The following PRDM11 variants were observed in gnomAD, a reference collection of about 807,000 sequenced individuals.
The protein encoded by PRDM11 is PR/SET domain 11.
In PRDM11, 20 loss-of-function variants were observed where a neutral mutation model predicts 97.8. The observed-to-expected ratio is 0.20, with a 90% confidence interval of 0.14 to 0.30. The LOEUF (loss-of-function observed/expected upper bound fraction) is 0.30, where lower values mean the gene tolerates loss of function less well. Among genes scored for constraint, PRDM11 ranks in the 10% least tolerant of loss-of-function variants. PRDM11 has a pLI of 1.00. For missense variants in PRDM11, 1,139 were observed against 1,555.2 expected (o/e 0.73, Z 4.50); for synonymous variants, 599 against 637.7 (o/e 0.94, Z 0.91).
intron 1 of PRDM11, among the ~76,000 whole-genome samples, chr11:45,154,119 C>T (rs981600178): frequency 6.6e-6 from 1 of 152,126 alleles, no homozygotes; most frequent in African/African-American, 2.4e-5. Flanking sequence ...CTTTGGGAGG[C>T]TGAGGTGGGA....
chr11:45,124,004 A>G (rs1188479940), intron 1 of PRDM11, among the ~76,000 whole-genome samples: 1 of 147,688 alleles, frequency 6.8e-6, no homozygotes, highest in Non-Finnish European at 1.5e-5. Context: ...ATTTGTTTGT[A>G]TCCTCTTTTA....
At chr11:45,097,403 C>T (rs1851900653) in intron 1 of PRDM11, among the ~76,000 whole-genome samples, 2 of 152,158 alleles carry the variant, frequency 1.3e-5, no homozygotes, top group East Asian at 1.9e-4. Flanking sequence ...TGTTACATGC[C>T]GGCAGAATTG....
At position 45,227,406 on chromosome 11, in the gene PRDM11, A is replaced by C; in HGVS notation, c.2781A>C (p.Gly927=). The C allele has an allele frequency of 6.5e-7, 1 of 1,533,856 alleles. No individual in the cohort carries two copies. Among genetic ancestry groups the C allele is most frequent in the Non-Finnish European group, 8.7e-7 (1 of 1,146,718 alleles). Residue 927 remains glycine (G), a synonymous_variant, in exon 8 of 8, where the codon GGA becomes GGC. Coordinates refer to ENST00000683152, the MANE Select transcript of PRDM11 (RefSeq NM_001384648.1). The surrounding 1 kb of genome is among the most constrained non-coding windows in gnomAD (Gnocchi z 8.0). ...TCAGCCGGCTGGCTGACTCCCCGGG[A>C]GAATACCTGCAGGAGTTCGAGGAGA... ...QEISRLADSP[G]EYLQEFEENF...
intron 1 of PRDM11, among the ~76,000 whole-genome samples, chr11:45,108,861 A>T (rs1236642004): frequency 6.6e-6 from 1 of 152,290 alleles, no homozygotes; most frequent in East Asian, 1.9e-4. Flanking sequence ...TGCCTGAAGC[A>T]GCTGACACAA....
chr11:45,110,445 T>G (rs1011596863), intron 1 of PRDM11, among the ~76,000 whole-genome samples: 1 of 152,186 alleles, frequency 6.6e-6, no homozygotes, highest in African/African-American at 2.4e-5. Context: ...GGTAGGAGTT[T>G]GAGGAATTTC....
intron 1 of PRDM11, among the ~76,000 whole-genome samples, chr11:45,166,750 C>T (rs1329916898): frequency 2.0e-5 from 3 of 152,218 alleles, no homozygotes; most frequent in Non-Finnish European, 4.4e-5. Context: ...CACATCCATG[C>T]CCCTTCCACC....
At position 45,167,401 on chromosome 11, in the gene PRDM11, AGTT is replaced by A. The variant is rs1852090436; in HGVS notation, c.-6-14359_-6-14357del. Among the ~76,000 whole-genome samples, 10 of 152,256 alleles carry A rather than the reference AGTT, an allele frequency of 6.6e-5. No homozygotes were observed. The South Asian group carries it at 2.1e-3, about 32-fold the overall frequency. On this transcript the variant is annotated intron_variant, in intron 1 of 7. Coordinates refer to ENST00000683152, the MANE Select transcript of PRDM11 (RefSeq NM_001384648.1). Reference sequence around the variant, plus strand: ...CCAAGAGTCAATGGATCAGCAAGACAGTTTATTATTCACAGCAAACATCAGGAT... The same window carrying A: ...CCAAGAGTCAATGGATCAGCAAGACATATTATTCACAGCAAACATCAGGAT...
At chr11:45,163,494 G>T (rs371160904) in intron 1 of PRDM11, among the ~76,000 whole-genome samples, 4 of 151,526 alleles carry the variant, frequency 2.6e-5, no homozygotes, top group African/African-American at 7.3e-5. Flanking sequence ...AGGATGGGGG[G>T]GGGTACCCGG....
intron 1 of PRDM11, among the ~76,000 whole-genome samples, chr11:45,135,028 C>A (rs1303404509): frequency 9.2e-5 from 14 of 151,908 alleles, no homozygotes; most frequent in Non-Finnish European, 4.4e-5. Flanking sequence ...CAGTTGTAGA[C>A]CCAGCTACTA....
At chr11:45,206,988 C>T (rs1490138003) in intron 5 of PRDM11, among the ~76,000 whole-genome samples, 1 of 152,226 alleles carries the variant, frequency 6.6e-6, no homozygotes, top group Non-Finnish European at 1.5e-5. Context: ...GTTTCTGCTA[C>T]TGCCACCTTG....
intron 1 of PRDM11, among the ~76,000 whole-genome samples, chr11:45,102,522 C>A (rs1851995450): frequency 1.3e-5 from 2 of 152,172 alleles, no homozygotes; most frequent in African/African-American, 4.8e-5. Context: ...TCCAGCCACT[C>A]CCAGGAAGGG....
At chr11:45,145,306 A>T (rs1440545010), upstream of PRDM11, among the ~76,000 whole-genome samples, 1 of 152,200 alleles carries the variant, frequency 6.6e-6, no homozygotes, top group Non-Finnish European at 1.5e-5. Context: ...GCCAGAGTCA[A>T]GGGAAACAAA....
chr11:45,194,592 G>GTTTTTTTT (rs869144098), intron 4 of PRDM11, among the ~76,000 whole-genome samples: 5 of 70,902 alleles, frequency 7.1e-5, no homozygotes, highest in African/African-American at 2.5e-4. Context: ...ATTATCTTCT[G>GTTTTTTTT]TTTTTTTTTT....
At chr11:45,106,437 C>T (rs1565223620) in intron 1 of PRDM11, among the ~76,000 whole-genome samples, 1 of 152,118 alleles carries the variant, frequency 6.6e-6, no homozygotes, top group Non-Finnish European at 1.5e-5. Flanking sequence ...GGTTCTCTCA[C>T]GAGCTAGATG....
At chr11:45,158,126 C>G (rs1395119190) in intron 1 of PRDM11, among the ~76,000 whole-genome samples, 1 of 152,218 alleles carries the variant, frequency 6.6e-6, no homozygotes, top group African/African-American at 2.4e-5. Flanking sequence ...CAGCCCAGTT[C>G]AAAGCAGACA....
upstream of PRDM11, chr11:45,095,759 G>A (rs772362883): frequency 8.5e-6 from 6 of 703,432 alleles, no homozygotes; most frequent in South Asian, 4.9e-5. Flanking sequence ...CCGCAGATAC[G>A]ATGGCTACAG....
intron 1 of PRDM11, among the ~76,000 whole-genome samples, chr11:45,164,102 G>A (rs1852000434): frequency 6.6e-6 from 1 of 152,172 alleles, no homozygotes; most frequent in Admixed American, 6.5e-5. Context: ...TGAAAGATGG[G>A]GGATCTGAAA....
intron 1 of PRDM11, among the ~76,000 whole-genome samples, chr11:45,123,375 T>C (rs924516243): frequency 3.3e-5 from 5 of 152,232 alleles, no homozygotes; most frequent in Non-Finnish European, 5.9e-5. Context: ...ATTTTGGCTT[T>C]TGTTGCCATT....
chr11:45,124,847 G>T (rs1215803238), intron 1 of PRDM11, among the ~76,000 whole-genome samples: 1 of 152,188 alleles, frequency 6.6e-6, no homozygotes, highest in African/African-American at 2.4e-5. Context: ...GATGATGCTG[G>T]CCTCATAAAA....
Sources: allele counts gnomAD v4.1 joint callset (sites outside exome capture counted in the v4.1 genomes callset), GRCh38; gene constraint gnomAD v4.1.1; non-coding constraint Gnocchi (gnomAD v3.1); transcripts MANE v1.5; gene names NCBI Gene and HGNC (gene_info 2026-07-23, HGNC 2026-07-21).